CNTNAP2: variants seen among roughly 807,000 people sequenced by gnomAD.
CNTNAP2 encodes the protein contactin associated protein 2, also known as contactin-associated protein-like 2.
A neutral mutation model predicts 155.2 loss-of-function variants in CNTNAP2; 98 were observed. The observed-to-expected ratio is 0.63, with a 90% CI of 0.54 to 0.75. The LOEUF is 0.75. CNTNAP2 is among the 30% of genes least tolerant of loss of function. CNTNAP2 has a pLI of 0.00. For missense variants in CNTNAP2, 1,727 were observed against 1,688.1 expected, an observed-to-expected ratio of 1.02 and a Z score of -0.40; for synonymous variants, 651 against 631.2, an observed-to-expected ratio of 1.03 and a Z score of -0.47.
intron 3 of CNTNAP2, among the ~76,000 whole-genome samples, chr7:146,879,112 T>C (rs1204401466): frequency 6.6e-6 from 1 of 152,192 alleles, no homozygotes; most frequent in Admixed American, 6.6e-5. Flanking sequence ...GATGCCTTCA[T>C]AGGTTGACTG....
chr7:148,245,510 C>G (rs1450988118), intron 20 of CNTNAP2, among the ~76,000 whole-genome samples: 2 of 152,010 alleles, frequency 1.3e-5, no homozygotes, highest in Admixed American at 1.3e-4. Context: ...CTCCCAAATC[C>G]TTTCAGCAGC....
chr7:147,722,437 T>G (rs1350339099), intron 13 of CNTNAP2, among the ~76,000 whole-genome samples: 2 of 152,150 alleles, frequency 1.3e-5, no homozygotes, highest in African/African-American at 4.8e-5. Context: ...CTTATCAAAG[T>G]ATGATATTTC....
At chr7:147,439,292 T>A (rs1215256996) in intron 10 of CNTNAP2, among the ~76,000 whole-genome samples, 1 of 152,032 alleles carries the variant, frequency 6.6e-6, no homozygotes, top group Non-Finnish European at 1.5e-5. Flanking sequence ...TGTGTTTCCA[T>A]CATCATTTGC....
chr7:146,681,843 AAG>A (rs530147019), intron 1 of CNTNAP2, among the ~76,000 whole-genome samples: 28 of 152,138 alleles, frequency 1.8e-4, no homozygotes, highest in Non-Finnish European at 3.2e-4. Flanking sequence ...TTCAGAAAGT[AAG>A]AGCTTCTAAT....
chr7:146,373,070 T>A (rs1254654972), intron 1 of CNTNAP2, among the ~76,000 whole-genome samples: 3 of 152,176 alleles, frequency 2.0e-5, no homozygotes, highest in Non-Finnish European at 4.4e-5. Context: ...GCATGCTGAA[T>A]GGTAAGATTA....
chr7:147,314,923 A>C (rs180816431), intron 9 of CNTNAP2, among the ~76,000 whole-genome samples: 2 of 151,252 alleles, frequency 1.3e-5, no homozygotes, highest in African/African-American at 4.8e-5. Flanking sequence ...GGCTGAATGA[A>C]GCAGACGGGT....
At chr7:147,560,386 T>C (rs1046822990) in intron 11 of CNTNAP2, among the ~76,000 whole-genome samples, 2 of 152,174 alleles carry the variant, frequency 1.3e-5, no homozygotes, top group African/African-American at 4.8e-5. Context: ...TATTGACTTA[T>C]GGCATCTTCC....
intron 14 of CNTNAP2, among the ~76,000 whole-genome samples, chr7:147,945,173 A>T (rs1313419164): frequency 6.6e-6 from 1 of 152,172 alleles, no homozygotes; most frequent in East Asian, 1.9e-4. Flanking sequence ...CTTTCTTTTG[A>T]TAAGATCATA....
At chr7:148,062,308 A>G (rs1358776738) in intron 15 of CNTNAP2, among the ~76,000 whole-genome samples, 1 of 152,152 alleles carries the variant, frequency 6.6e-6, no homozygotes, top group Non-Finnish European at 1.5e-5. Context: ...TAGAAAGGAT[A>G]CTGAATTATG....
intron 1 of CNTNAP2, among the ~76,000 whole-genome samples, chr7:146,616,390 C>A (rs1027477110): frequency 6.6e-6 from 1 of 151,974 alleles, no homozygotes; most frequent in African/African-American, 2.4e-5. Context: ...TTTGTTCAGG[C>A]GGAAGAATCT....
At chr7:146,721,889 A>ATATATATATATATATATTTTT in intron 1 of CNTNAP2, among the ~76,000 whole-genome samples, 2 of 69,738 alleles carry the variant, frequency 2.9e-5, no homozygotes, top group African/African-American at 3.8e-4. Context: ...ATATATATAT[A>ATATATATATATATATATTTTT]TTTTTTTTTT....
intron 13 of CNTNAP2, among the ~76,000 whole-genome samples, chr7:147,887,572 A>G (rs142690134): frequency 9.8e-4 from 150 of 152,350 alleles, no homozygotes; most frequent in African/African-American, 3.5e-3. Context: ...ATGAAGAAAA[A>G]TCATGAACCA....
At chr7:147,891,030 G>GT (rs1392146046) in intron 13 of CNTNAP2, among the ~76,000 whole-genome samples, 1 of 152,116 alleles carries the variant, frequency 6.6e-6, no homozygotes, top group Non-Finnish European at 1.5e-5. Flanking sequence ...ACATCATGTT[G>GT]TATGTGTTAA....
chr7:147,906,674 G>T (rs1424835112), intron 14 of CNTNAP2, among the ~76,000 whole-genome samples: 1 of 152,040 alleles, frequency 6.6e-6, no homozygotes, highest in Non-Finnish European at 1.5e-5. Context: ...TGGCCAGGCT[G>T]GTCTTGAACT....
chr7:146,534,805 C>G (rs1392333466), intron 1 of CNTNAP2, among the ~76,000 whole-genome samples: 2 of 151,452 alleles, frequency 1.3e-5, no homozygotes, highest in African/African-American at 4.9e-5. Context: ...ACACTCAGGA[C>G]TAGAGTCTAA....
At chr7:146,304,024 GTCT>G (rs1241458159) in intron 1 of CNTNAP2, among the ~76,000 whole-genome samples, 2 of 150,680 alleles carry the variant, frequency 1.3e-5, no homozygotes, top group African/African-American at 2.5e-5. Context: ...TTATGTAATG[GTCT>G]TCTTTGTCTC....
chr7:146,492,481 T>A (rs1207072543), intron 1 of CNTNAP2, among the ~76,000 whole-genome samples: 4 of 152,182 alleles, frequency 2.6e-5, no homozygotes, highest in Non-Finnish European at 5.9e-5. Context: ...TTCCTTGGAG[T>A]TGTTATTCTA....
At chr7:148,105,685 TC>T (rs1406046916) in intron 15 of CNTNAP2, among the ~76,000 whole-genome samples, 1 of 152,080 alleles carries the variant, frequency 6.6e-6, no homozygotes, top group Non-Finnish European at 1.5e-5. Context: ...CCTCCCAGGT[TC>T]AAGTGATTCT....
At position 146,774,446 on chromosome 7, in the gene CNTNAP2, C is replaced by CAT. The variant is rs113167298; in HGVS notation, c.208+77_208+78dup. ...AATAAGAACATGTTATATTTATAGC[C>CAT]ATATATATATATAATCACACAACAG... is the stretch of plus-strand genomic sequence containing the variant. On this transcript the variant is annotated intron_variant, in intron 2 of 23. Coordinates refer to ENST00000361727, the MANE Select transcript of CNTNAP2 (RefSeq NM_014141.6). 0.012 allele frequency: 12,535 copies of CAT among 1,026,720 alleles called. 576 individuals are homozygous for CAT. The African/African-American group carries it at 0.14, about 11-fold the overall frequency. 63.6% of individuals were successfully genotyped at this position (1,026,720 alleles called of 1,614,324 possible).
Sources: gnomAD v4.1 joint callset for allele counts (sites outside exome capture counted in the v4.1 genomes callset) on GRCh38, gnomAD v4.1.1 for gene constraint, MANE v1.5 for transcripts, NCBI Gene and HGNC (gene_info 2026-07-23, HGNC 2026-07-21) for gene names.